ISX: variants seen among roughly 807,000 people sequenced by gnomAD.
ISX encodes intestine specific homeobox.
A neutral mutation model predicts 16.9 loss-of-function variants in ISX; 15 were observed. That is an observed-to-expected ratio of 0.89 (90% CI 0.59 to 1.36). The LOEUF is 1.36. ISX is among the 40% of genes most tolerant of loss of function. The pLI is 0.00. For missense variants in ISX, 316 were observed against 306.1 expected, an observed-to-expected ratio of 1.03 and a Z score of -0.24; for synonymous variants, 125 against 119.7, an observed-to-expected ratio of 1.04 and a Z score of -0.29.
At chr22:35,079,118 G>T (rs1929061782) in intron 2 of ISX, among the ~76,000 whole-genome samples, 1 of 152,200 alleles carries the variant, frequency 6.6e-6, no homozygotes, top group African/African-American at 2.4e-5. Flanking sequence ...AAGAAAACAA[G>T]TTAGTTGATT....
chr22:35,077,373 C>A (rs1273006318), intron 2 of ISX, among the ~76,000 whole-genome samples: 3 of 152,138 alleles, frequency 2.0e-5, no homozygotes, highest in Non-Finnish European at 4.4e-5. Context: ...CCCCTCACAG[C>A]CTCCTCTTTT....
In ISX at chr22:35,084,497, G is replaced by A. The variant is rs368370719; in HGVS notation, c.496G>A (p.Ala166Thr). The change falls in exon 4 of 5, where the codon GCT (alanine) becomes ACT (threonine). Residue 166 changes from alanine to threonine, a missense_variant and splice_region_variant. Coordinates refer to ENST00000404699, the MANE Select transcript of ISX (RefSeq NM_001303508.2). ...GGCCCTGCCCACAAATCTGGATGTGGCTGTAAGTGGCTGAGGCCTCAAGGT... is the reference window on the plus strand; with the variant it reads ...GGCCCTGCCCACAAATCTGGATGTGACTGTAAGTGGCTGAGGCCTCAAGGT... ...SVALPTNLDV[A>T]GPTWTSTALR... is the part of the protein sequence containing the mutation. The A allele has an allele frequency of 2.6e-5, 42 of 1,602,024 alleles. No homozygotes were observed. The African/African-American group carries it at 5.2e-4, about 20-fold the overall frequency.
chr22:35,079,250 G>T (rs992080910), intron 2 of ISX, among the ~76,000 whole-genome samples: 1 of 152,156 alleles, frequency 6.6e-6, no homozygotes, highest in African/African-American at 2.4e-5. Context: ...CTGAGTGGGA[G>T]TCAGAAGACC....
At chr22:35,071,549 G>A (rs1317354176) in intron 2 of ISX, among the ~76,000 whole-genome samples, 3 of 152,098 alleles carry the variant, frequency 2.0e-5, no homozygotes, top group African/African-American at 7.2e-5. Flanking sequence ...TGTGTGTAAT[G>A]TCCCTTTCTC....
chr22:35,082,325 A>C (rs1359466710), intron 2 of ISX, among the ~76,000 whole-genome samples, 193 bp from the exon 3 acceptor site: 1 of 152,240 alleles, frequency 6.6e-6, no homozygotes, highest in South Asian at 2.1e-4. Context: ...CTCAATGTCC[A>C]TGGTGGGTGA....
chr22:35,076,116 C>G (rs1928974295), intron 2 of ISX, among the ~76,000 whole-genome samples: 1 of 150,982 alleles, frequency 6.6e-6, no homozygotes, highest in Admixed American at 6.6e-5. Flanking sequence ...AAAAAAATAC[C>G]TATTGTGTTT....
intron 2 of ISX, among the ~76,000 whole-genome samples, chr22:35,067,655 T>C (rs1928738302): frequency 6.6e-6 from 1 of 152,170 alleles, no homozygotes; most frequent in Non-Finnish European, 1.5e-5. Context: ...ATGATTATCA[T>C]AACTGGACAG....
chr22:35,076,040 T>A (rs986278141), intron 2 of ISX, among the ~76,000 whole-genome samples: 2 of 151,234 alleles, frequency 1.3e-5, no homozygotes, highest in South Asian at 2.1e-4. Context: ...TCATAGAAAA[T>A]TTTTTTTTAC....
intron 3 of ISX, among the ~76,000 whole-genome samples, chr22:35,083,873 C>T (rs1025536062): frequency 3.1e-4 from 48 of 152,388 alleles, no homozygotes; most frequent in South Asian, 2.1e-4. Flanking sequence ...TCAGCACCTG[C>T]TCAGGAATGC....
intron 2 of ISX, among the ~76,000 whole-genome samples, chr22:35,078,208 A>G (rs150021514): frequency 8.0e-4 from 119 of 148,984 alleles, no homozygotes; most frequent in African/African-American, 2.8e-3. Context: ...ACTGCACTAT[A>G]TCATTTACTA....
At chr22:35,070,293 A>C (rs545396034) in intron 2 of ISX, among the ~76,000 whole-genome samples, 5 of 152,198 alleles carry the variant, frequency 3.3e-5, no homozygotes, top group Non-Finnish European at 7.3e-5. Context: ...ATCTGAAAAG[A>C]TTCTACACCC....
At chr22:35,071,488 ACG>A (rs1351922626) in intron 2 of ISX, among the ~76,000 whole-genome samples, 2 of 152,056 alleles carry the variant, frequency 1.3e-5, no homozygotes, top group African/African-American at 2.4e-5. Flanking sequence ...TGACTTGTAG[ACG>A]CATCACTCCA....
chr22:35,076,444 G>A (rs1454528934), intron 2 of ISX, among the ~76,000 whole-genome samples: 1 of 152,220 alleles, frequency 6.6e-6, no homozygotes, highest in African/African-American at 2.4e-5. Context: ...AAAGTCTGTG[G>A]CCTGACTAGC....
chr22:35,078,565 A>G (rs1479523429), intron 2 of ISX, among the ~76,000 whole-genome samples: 7 of 152,234 alleles, frequency 4.6e-5, no homozygotes, highest in Admixed American at 3.3e-4. Flanking sequence ...GGTGGGTCAC[A>G]GGCCAATAAC....
chr22:35,072,225 G>A (rs898387986), intron 2 of ISX, among the ~76,000 whole-genome samples: 1 of 152,174 alleles, frequency 6.6e-6, no homozygotes, highest in Non-Finnish European at 1.5e-5. Context: ...CTCAGTCTCA[G>A]GCCCTGTGGG....
chr22:35,068,776 C>A lies in ISX; in HGVS notation c.229+1460C>A, dbSNP rs548773357. ...CCCCAGTAAGTGCTGACCAGACTAG[C>A]GGTGGTGACATCGGATGGTGGTATA... is the stretch of plus-strand genomic sequence containing the variant. On this transcript the variant is annotated intron_variant, in intron 2 of 4. Coordinates refer to ENST00000404699, the MANE Select transcript of ISX (RefSeq NM_001303508.2). Among the ~76,000 whole-genome samples the A allele has an allele frequency of 9.2e-5, 14 of 152,314 alleles. No individual in the cohort carries two copies. The South Asian group carries it at 2.9e-3, about 32-fold the overall frequency.
chr22:35,068,866 C>T (rs1472574625), intron 2 of ISX, among the ~76,000 whole-genome samples: 1 of 152,180 alleles, frequency 6.6e-6, no homozygotes, highest in Non-Finnish European at 1.5e-5. Flanking sequence ...GCCCAACTTA[C>T]AGATGATGAA....
In ISX at chr22:35,082,536, G is replaced by A. The variant is rs8140287; in HGVS notation, c.248G>A (p.Arg83Gln). The change falls in exon 3 of 5, where the codon CGG (arginine) becomes CAG (glutamine). Residue 83 changes from arginine to glutamine, a missense_variant. By Grantham distance (43) the Arg-to-Gln change is conservative. Coordinates refer to ENST00000404699, the MANE Select transcript of ISX (RefSeq NM_001303508.2). ...CATGCAGAAGGAAGGAAGAGCAAGC[G>A]GAGGGTTCGTACCACCTTCACCACT... ...DQPQEGRKSK[R>Q]RVRTTFTTEQ... The A allele has an allele frequency of 0.05, 81,247 of 1,613,948 alleles. 2,378 individuals carry two copies. The highest frequency in any genetic ancestry group is 0.065 in the South Asian group (5,893 of 91,062).
chr22:35,073,324 G>A (rs890113180), intron 2 of ISX, among the ~76,000 whole-genome samples: 69 of 151,718 alleles, frequency 4.5e-4, no homozygotes, highest in African/African-American at 1.6e-3. Context: ...CTTTTTGGCC[G>A]GTTTTATGGA....
Sources: gnomAD v4.1 joint callset for allele counts (sites outside exome capture counted in the v4.1 genomes callset) on GRCh38, gnomAD v4.1.1 for gene constraint, MANE v1.5 for transcripts, NCBI Gene and HGNC (gene_info 2026-07-23, HGNC 2026-07-21) for gene names.